SPOCK3: variants seen among roughly 807,000 people sequenced by gnomAD.
SPOCK3 encodes SPARC (osteonectin), cwcv and kazal like domains proteoglycan 3.
Under a neutral mutation model 56.6 loss-of-function variants are expected in SPOCK3, and 30 were observed. That is an observed-to-expected ratio of 0.53 (90% CI 0.40 to 0.72). The LOEUF (loss-of-function observed/expected upper bound fraction) is 0.72, where lower values mean the gene tolerates loss of function less well. Ranked by LOEUF, SPOCK3 falls within the 30% of genes least tolerant of loss-of-function variation. The pLI, the probability that SPOCK3 is intolerant of heterozygous loss-of-function variation, is 0.00. For missense variants in SPOCK3, 527 were observed against 530.0 expected (o/e 0.99, Z 0.06); for synonymous variants, 196 against 183.3 (o/e 1.07, Z -0.56).
intron 5 of SPOCK3, among the ~76,000 whole-genome samples, chr4:166,896,622 G>C (rs1031124850): frequency 6.6e-5 from 10 of 152,156 alleles, no homozygotes; most frequent in African/African-American, 2.4e-4. Flanking sequence ...GTGGATGAGT[G>C]GGGGTCAGAA....
intron 4 of SPOCK3, among the ~76,000 whole-genome samples, chr4:166,942,828 A>T (rs1258138917): frequency 6.6e-6 from 1 of 152,168 alleles, no homozygotes; most frequent in African/African-American, 2.4e-5. Context: ...AAAGTCTATT[A>T]AGCAATAATT....
At chr4:166,810,463 T>C (rs538626474) in intron 6 of SPOCK3, among the ~76,000 whole-genome samples, 2 of 152,192 alleles carry the variant, frequency 1.3e-5, no homozygotes, top group Admixed American at 6.6e-5. Flanking sequence ...TATATGTTTT[T>C]ATAGATATTT....
intron 2 of SPOCK3, among the ~76,000 whole-genome samples, chr4:167,126,506 G>A (rs1250168214): frequency 1.3e-5 from 2 of 151,990 alleles, no homozygotes; most frequent in Non-Finnish European, 2.9e-5. Flanking sequence ...CCGATATCAT[G>A]CTATTGCACT....
At chr4:166,824,565 G>T (rs938838294) in intron 6 of SPOCK3, among the ~76,000 whole-genome samples, 2 of 152,046 alleles carry the variant, frequency 1.3e-5, no homozygotes, top group East Asian at 3.9e-4. Flanking sequence ...GGTTTCTTTG[G>T]TTAACACACA....
intron 2 of SPOCK3, among the ~76,000 whole-genome samples, chr4:167,164,741 A>G (rs1364535694): frequency 2.0e-5 from 3 of 151,990 alleles, no homozygotes; most frequent in Non-Finnish European, 1.5e-5. Context: ...GGCTTCCAGT[A>G]CATCCATGTT....
intron 2 of SPOCK3, among the ~76,000 whole-genome samples, chr4:167,097,696 G>A (rs1473689247): frequency 1.3e-5 from 2 of 151,360 alleles, no homozygotes; most frequent in East Asian, 1.9e-4. Flanking sequence ...CTCATTATTG[G>A]GTATATACCC....
At chr4:166,792,031 G>A (rs1298989982) in intron 7 of SPOCK3, 139 bp downstream of exon 7, 3 of 946,558 alleles carry the variant, frequency 3.2e-6, no homozygotes, top group African/African-American at 3.3e-5. Flanking sequence ...AGGTGTGCTT[G>A]GAAGTAATAA....
chr4:167,143,010 T>C (rs1016797481), intron 2 of SPOCK3, among the ~76,000 whole-genome samples: 3 of 151,976 alleles, frequency 2.0e-5, no homozygotes, highest in South Asian at 2.1e-4. Context: ...TTTAGAAATA[T>C]AGAGATGTGT....
At chr4:166,921,955 G>A (rs1308052516) in intron 4 of SPOCK3, among the ~76,000 whole-genome samples, 2 of 152,154 alleles carry the variant, frequency 1.3e-5, no homozygotes, top group Non-Finnish European at 2.9e-5. Flanking sequence ...AAGCCAGGCA[G>A]TGGCCCAGTA....
At chr4:167,207,794 A>C (rs1197125428) in intron 2 of SPOCK3, among the ~76,000 whole-genome samples, 1 of 152,120 alleles carries the variant, frequency 6.6e-6, no homozygotes, top group African/African-American at 2.4e-5. Context: ...TGGGTGCAGC[A>C]CACCAGCATG....
intron 5 of SPOCK3, among the ~76,000 whole-genome samples, chr4:166,905,077 A>T (rs561384235): frequency 5.3e-5 from 8 of 152,098 alleles, no homozygotes; most frequent in East Asian, 1.9e-4. Context: ...TAGACATTAT[A>T]AAAAAAGTCT....
At chr4:167,135,998 A>T (rs990154537) in intron 2 of SPOCK3, among the ~76,000 whole-genome samples, 3 of 152,130 alleles carry the variant, frequency 2.0e-5, no homozygotes, top group Non-Finnish European at 2.9e-5. Context: ...TACAAAGAAT[A>T]TCCCACCTTT....
chr4:167,055,861 C>G (rs372188245), intron 3 of SPOCK3, among the ~76,000 whole-genome samples: 1 of 152,208 alleles, frequency 6.6e-6, no homozygotes, highest in Non-Finnish European at 1.5e-5. Context: ...GTAGGCTCCA[C>G]CTCTGGGGGC....
intron 2 of SPOCK3, among the ~76,000 whole-genome samples, chr4:167,142,955 T>A (rs990351576): frequency 6.6e-6 from 1 of 151,936 alleles, no homozygotes; most frequent in Non-Finnish European, 1.5e-5. Context: ...TACATAATAT[T>A]ATGCCACTAG....
chr4:166,926,428 G>T (rs1739105882), intron 4 of SPOCK3, among the ~76,000 whole-genome samples: 1 of 151,820 alleles, frequency 6.6e-6, no homozygotes, highest in African/African-American at 2.4e-5. Flanking sequence ...AGAGAAAATG[G>T]CTGCCTTTGG....
At chr4:166,741,945 G>A (rs1430582993) in intron 9 of SPOCK3, 52 bp downstream of exon 9, 5 of 1,218,982 alleles carry the variant, frequency 4.1e-6, no homozygotes, top group Non-Finnish European at 6.0e-6. Context: ...CTGTTTCCCT[G>A]GGGTTATTTA....
chr4:166,850,013 T>C (rs896341675), intron 6 of SPOCK3, among the ~76,000 whole-genome samples: 4 of 152,160 alleles, frequency 2.6e-5, no homozygotes, highest in African/African-American at 7.2e-5. Context: ...TTCCCACCTT[T>C]TAAATAATGG....
At chr4:167,120,934 C>T (rs1365065386) in intron 2 of SPOCK3, among the ~76,000 whole-genome samples, 1 of 151,904 alleles carries the variant, frequency 6.6e-6, no homozygotes, top group African/African-American at 2.4e-5. Context: ...GATTAAGTCA[C>T]TTACATTTAT....
chr4:167,122,421 T>G (rs1474608588), intron 2 of SPOCK3, among the ~76,000 whole-genome samples: 1 of 152,194 alleles, frequency 6.6e-6, no homozygotes, highest in Non-Finnish European at 1.5e-5. Context: ...TTAATAATTT[T>G]CAATTGTACA....
Sources: gnomAD v4.1 joint callset for allele counts (sites outside exome capture counted in the v4.1 genomes callset) on GRCh38, gnomAD v4.1.1 for gene constraint, MANE v1.5 for transcripts, NCBI Gene and HGNC (gene_info 2026-07-23, HGNC 2026-07-21) for gene names.